Variants in PARD3 observed in about 807,000 individuals in gnomAD.
PARD3 encodes the protein par-3 family cell polarity regulator.
In PARD3, 75 loss-of-function variants were observed where a neutral mutation model predicts 155.4. The observed-to-expected ratio is 0.48, with a 90% CI of 0.40 to 0.58. The LOEUF (loss-of-function observed/expected upper bound fraction) is 0.58. Ranked by LOEUF, PARD3 falls within the 20% of genes least tolerant of loss-of-function variation. PARD3 has a pLI of 0.00. For missense variants in PARD3, 1,642 were observed against 1,721.7 expected, an observed-to-expected ratio of 0.95 and a Z score of 0.82; for synonymous variants, 576 against 610.5, an observed-to-expected ratio of 0.94 and a Z score of 0.83.
In PARD3 at chr10:34,399,447, G is replaced by A. The variant is rs777246309; in HGVS notation, c.807-34C>T. On this transcript the variant is annotated intron_variant, in intron 6 of 24. Transcript: ENST00000374788. ...CAATGATGAATGAGGGAGCATGAAC[G>A]TGTACTGTAAACAAACCAAAACCAA... 2.1e-5 allele frequency: 29 copies of A among 1,412,426 alleles called. No homozygotes were observed. The East Asian group carries it at 5.0e-4, about 24-fold the overall frequency. The allele number at this position is 1,412,426 out of a possible 1,614,324, so 87.5% of individuals were successfully genotyped here. A position where few individuals can be genotyped will look rare whatever the true frequency, so the allele number is the denominator to read the frequency against.
At chr10:34,552,941 T>G (rs1236421472) in intron 2 of PARD3, among the ~76,000 whole-genome samples, 1 of 152,176 alleles carries the variant, frequency 6.6e-6, no homozygotes, top group East Asian at 1.9e-4. Flanking sequence ...TAACACCAAC[T>G]GAAACTACGT....
chr10:34,261,756 GA>G (rs1954991063), intron 22 of PARD3, among the ~76,000 whole-genome samples: 1 of 69,642 alleles, frequency 1.4e-5, no homozygotes. Context: ...AAGGAAGGAA[GA>G]AAGGAAGGAA....
intron 2 of PARD3, among the ~76,000 whole-genome samples, chr10:34,582,869 C>T (rs1404353537): frequency 2.6e-5 from 4 of 152,168 alleles, no homozygotes; most frequent in Non-Finnish European, 4.4e-5. Flanking sequence ...AACCAGGTGC[C>T]CTTCTTCTTT....
chr10:34,604,861 A>G (rs1325273843), intron 2 of PARD3, among the ~76,000 whole-genome samples: 1 of 151,984 alleles, frequency 6.6e-6, no homozygotes, highest in African/African-American at 2.4e-5. Flanking sequence ...GCTATTACTC[A>G]TTACTGGACA....
intron 4 of PARD3, among the ~76,000 whole-genome samples, chr10:34,453,227 A>G (rs762501675): frequency 1.3e-5 from 2 of 152,228 alleles, no homozygotes; most frequent in Non-Finnish European, 2.9e-5. Context: ...TTCTATAGAA[A>G]TACTGAACAT....
intron 2 of PARD3, among the ~76,000 whole-genome samples, chr10:34,682,513 T>C (rs969035807): frequency 1.3e-5 from 2 of 152,184 alleles, no homozygotes; most frequent in Non-Finnish European, 2.9e-5. Flanking sequence ...CAGAAACTCA[T>C]TTCATAACAC....
chr10:34,348,098 G>A lies in PARD3; in HGVS notation c.2085C>T (p.Ser695=), dbSNP rs756574165. The A allele has an allele frequency of 3.0e-5, 49 of 1,608,060 alleles. No homozygotes were observed. The Middle Eastern group carries it at 1.2e-3, about 39-fold the overall frequency. Reference sequence around the variant, plus strand: ...CAATGGGCAGCTCAGGTCCAGGGGGGCTCCCAGGTGACTTCAGCTACAGAG... The same window carrying A: ...CAATGGGCAGCTCAGGTCCAGGGGGACTCCCAGGTGACTTCAGCTACAGAG... ...SKCNELKSPG[S]PPGPELPIET... is the part of the protein sequence containing the mutation. Residue 695 remains serine (S), a synonymous_variant, in exon 15 of 25, where the codon AGC becomes AGT. Coordinates refer to ENST00000374788, the MANE Select transcript of PARD3 (RefSeq NM_001184785.2).
At chr10:34,801,155 C>A (rs982728949) in intron 1 of PARD3, among the ~76,000 whole-genome samples, 1 of 152,170 alleles carries the variant, frequency 6.6e-6, no homozygotes, top group Non-Finnish European at 1.5e-5. Context: ...AAGAGACAGA[C>A]GCACAAAAAT....
intron 15 of PARD3, chr10:34,346,056 C>T: frequency 1.0e-6 from 1 of 986,778 alleles, no homozygotes; most frequent in Non-Finnish European, 1.2e-6. Flanking sequence ...GCATTTGTCA[C>T]CCCCAGCCCA....
chr10:34,322,109 T>C (rs1328265064), intron 19 of PARD3, among the ~76,000 whole-genome samples: 1 of 152,170 alleles, frequency 6.6e-6, no homozygotes, highest in African/African-American at 2.4e-5. Flanking sequence ...CATTATTAAG[T>C]TTATGGATGC....
chr10:34,214,509 C>T (rs1440028476), intron 22 of PARD3, among the ~76,000 whole-genome samples: 1 of 152,074 alleles, frequency 6.6e-6, no homozygotes, highest in African/African-American at 2.4e-5. Flanking sequence ...TTTGGCTCTT[C>T]CTTGCAGACA....
chr10:34,641,286 G>C (rs569067701), intron 2 of PARD3, among the ~76,000 whole-genome samples: 1 of 152,306 alleles, frequency 6.6e-6, no homozygotes, highest in African/African-American at 2.4e-5. Context: ...GGCCAAAAAT[G>C]TAAGCCAATT....
chr10:34,143,406 T>A (rs1704665437), intron 22 of PARD3, among the ~76,000 whole-genome samples: 1 of 152,240 alleles, frequency 6.6e-6, no homozygotes, highest in Non-Finnish European at 1.5e-5. Context: ...AAAATGATTA[T>A]CATGTTCTTC....
At chr10:34,164,073 A>T (rs908191634) in intron 22 of PARD3, among the ~76,000 whole-genome samples, 6 of 152,208 alleles carry the variant, frequency 3.9e-5, no homozygotes, top group Non-Finnish European at 7.3e-5. Context: ...GGTCTTGTGA[A>T]AGACAGCGAG....
intron 3 of PARD3, among the ~76,000 whole-genome samples, chr10:34,499,515 C>G (rs2080531509): frequency 6.6e-6 from 1 of 151,390 alleles, no homozygotes; most frequent in Non-Finnish European, 1.5e-5. Flanking sequence ...TAAATTGCAT[C>G]CAGCGGAAAA....
intron 4 of PARD3, among the ~76,000 whole-genome samples, chr10:34,454,264 T>C (rs2077215562): frequency 6.6e-6 from 1 of 152,128 alleles, no homozygotes; most frequent in East Asian, 1.9e-4. Flanking sequence ...ACAAGGACTG[T>C]AGGCCTGTAA....
intron 2 of PARD3, among the ~76,000 whole-genome samples, chr10:34,666,797 A>AAAAAAAAAATATATATG (rs71033331): frequency 4.1e-4 from 27 of 65,078 alleles, no homozygotes; most frequent in African/African-American, 1.6e-3. Context: ...AAAAAAAAAA[A>AAAAAAAAAATATATATG]TATATATATA....
Position 34,312,442 on chromosome 10 carries a change from CTG to C in PARD3, c.3065+4663_3065+4664del, listed in dbSNP as rs1463897442. ...TACAGGTGAGGAAAGCAACAAGAATCTGTGTTTGTTCTTTTCTCAAATGCCTA... is the reference window on the plus strand; with the variant it reads ...TACAGGTGAGGAAAGCAACAAGAATCTGTTTGTTCTTTTCTCAAATGCCTA... On this transcript the variant is annotated intron_variant, in intron 20 of 24. Transcript: ENST00000374788. 1.9e-6 allele frequency: 3 copies of C among 1,565,866 alleles called. No individual in the cohort carries two copies. In the African/African-American group the frequency reaches 4.1e-5, roughly 21 times the overall value.
At chr10:34,283,218 CT>C (rs747060623) in intron 21 of PARD3, among the ~76,000 whole-genome samples, 9 of 152,100 alleles carry the variant, frequency 5.9e-5, no homozygotes, top group Non-Finnish European at 1.0e-4. Context: ...TGGGCTTAAT[CT>C]TAAAGATGCT....
Sources: allele counts gnomAD v4.1 joint callset (sites outside exome capture counted in the v4.1 genomes callset), GRCh38; gene constraint gnomAD v4.1.1; transcripts MANE v1.5; gene names NCBI Gene and HGNC (gene_info 2026-07-23, HGNC 2026-07-21).